NKD2: variants seen among roughly 807,000 people sequenced by gnomAD.
NKD2 encodes protein naked cuticle homolog 2.
A neutral mutation model predicts 34.8 loss-of-function variants in NKD2; 43 were observed. That is an observed-to-expected ratio of 1.24 (90% CI 0.97 to 1.60). The LOEUF (loss-of-function observed/expected upper bound fraction) is 1.60, where lower values mean the gene tolerates loss of function less well. Among genes scored for constraint, NKD2 ranks in the 40% most tolerant of loss-of-function variants. The pLI, the probability that NKD2 is intolerant of heterozygous loss-of-function variation, is 0.00. For synonymous variants in NKD2, 278 were observed against 265.1 expected, an observed-to-expected ratio of 1.05 and a Z score of -0.47; for missense variants, 675 against 627.1, an observed-to-expected ratio of 1.08 and a Z score of -0.82.
At chr5:1,020,985 G>C (rs1451904576) in intron 3 of NKD2, among the ~76,000 whole-genome samples, 2 of 152,106 alleles carry the variant, frequency 1.3e-5, no homozygotes, top group Admixed American at 1.3e-4. Flanking sequence ...GCACCTCCAC[G>C]TTTTCCCATT....
At chr5:1,017,650 C>T (rs1756011293) in intron 3 of NKD2, among the ~76,000 whole-genome samples, 3 of 146,308 alleles carry the variant, frequency 2.1e-5, no homozygotes, top group African/African-American at 8.2e-5. Context: ...ACCAGAAGTC[C>T]CTCCCAGAGC....
At chr5:1,021,752 AAC>A (rs1206040652) in intron 3 of NKD2, among the ~76,000 whole-genome samples, 1 of 151,990 alleles carries the variant, frequency 6.6e-6, no homozygotes, top group Non-Finnish European at 1.5e-5. Flanking sequence ...CTTGTAAGAA[AAC>A]ACTCTCTTCC....
rs1755648839 is a variant in NKD2, at chr5:1,009,220, C to T, written c.61+6C>T. The T allele has an allele frequency of 4.4e-6, 2 of 455,344 alleles. No individual in the cohort carries two copies. The highest frequency in any genetic ancestry group is 7.7e-6 in the Non-Finnish European group (2 of 259,842). 28.2% of individuals were successfully genotyped at this position (455,344 alleles called of 1,614,324 possible). ...GCGGAGAGAGAGCCCGGAAGGTGAG[C>T]GGGCGAGCCGACGGGCGGGGCGGGG... On this transcript the variant is annotated splice_donor_region_variant and intron_variant, in intron 2 of 9. Coordinates refer to ENST00000296849, the MANE Select transcript of NKD2 (RefSeq NM_033120.4). The surrounding 1 kb of genome is among the most constrained non-coding windows in gnomAD (Gnocchi z 6.9).
chr5:1,009,206 G>T lies in NKD2; in HGVS notation c.53G>T (p.Ser18Ile), dbSNP rs1281311436. The change falls in exon 2 of 10, where the codon AGC (serine) becomes ATC (isoleucine). Residue 18 changes from serine (S) to isoleucine (I), a missense_variant. Coordinates refer to ENST00000296849, the MANE Select transcript of NKD2 (RefSeq NM_033120.4). This position sits in a 1 kb window ranked among gnomAD's most constrained non-coding sequence, Gnocchi z 6.9. ...GCCGCCGCCCGCAAGCGGAGAGAGA[G>T]CCCGGAAGGTGAGCGGGCGAGCCGA... is the stretch of plus-strand genomic sequence containing the variant. The part of the protein sequence containing the change: ...HAAAARKRRE[S>I]PEGDSFVASA... 1 of 544,792 alleles carries T rather than the reference G, an allele frequency of 1.8e-6. No homozygotes were observed. The highest frequency in any genetic ancestry group is 3.5e-5 in the East Asian group (1 of 28,344). 33.7% of individuals were successfully genotyped at this position (544,792 alleles called of 1,614,324 possible). A position where few individuals can be genotyped will look rare whatever the true frequency, so the allele number is the denominator to read the frequency against.
At chr5:1,016,007 G>C (rs1357384947) in intron 3 of NKD2, among the ~76,000 whole-genome samples, 1 of 152,234 alleles carries the variant, frequency 6.6e-6, no homozygotes, top group South Asian at 2.1e-4. Flanking sequence ...GGTGCGGAAG[G>C]AGCCCTTCCT....
Position 1,038,135 on chromosome 5 carries a change from C to A in NKD2, c.1118C>A (p.Pro373Gln). The change falls in exon 10 of 10, where the codon CCG becomes CAG. Residue 373 changes from proline (P) to glutamine (Q), a missense_variant. Physicochemically the swap from Pro to Gln is moderately conservative, Grantham distance 76 (BLOSUM62 -1). Coordinates refer to ENST00000296849, the MANE Select transcript of NKD2 (RefSeq NM_033120.4). This position sits in a 1 kb window ranked among gnomAD's most constrained non-coding sequence, Gnocchi z 4.5. ...PQAPQDGHHL[P>Q]QPPPPPYGHK... ...GCCCCTCAGGACGGCCACCACCTCC[C>A]GCAGCCCCCACCGCCACCCTACGGC... 6.3e-7 allele frequency: 1 copy of A among 1,589,070 alleles called. No homozygotes were observed. The highest frequency in any genetic ancestry group is 8.5e-7 in the Non-Finnish European group (1 of 1,169,962).
Position 1,034,740 on chromosome 5 carries a change from T to A in NKD2, c.427-16T>A. On this transcript the variant is annotated splice_polypyrimidine_tract_variant and intron_variant, in intron 6 of 9. Coordinates refer to ENST00000296849, the MANE Select transcript of NKD2 (RefSeq NM_033120.4). The stretch of plus-strand genomic sequence containing the variant: ...CTGGGGTCTGCTCTGTCAGTGAAAC[T>A]GATGCCGGGCCCCAGGACATGTCCA... 1 of 1,604,594 alleles carries A rather than the reference T, an allele frequency of 6.2e-7. No homozygotes were observed. Among genetic ancestry groups the A allele is most frequent in the Non-Finnish European group, 8.5e-7 (1 of 1,173,484 alleles).
intron 5 of NKD2, among the ~76,000 whole-genome samples, 166 bp downstream of exon 5, chr5:1,033,665 A>G (rs1157211211): frequency 6.6e-6 from 1 of 152,240 alleles, no homozygotes; most frequent in East Asian, 1.9e-4. Flanking sequence ...TTGAATGTGC[A>G]AGCCAAAGTC....
Position 1,038,401 on chromosome 5 carries a change from A to T in NKD2, c.*28A>T. 6.5e-7 allele frequency: 1 copy of T among 1,535,504 alleles called. No individual in the cohort carries two copies. Among genetic ancestry groups the T allele is most frequent in the Non-Finnish European group, 8.7e-7 (1 of 1,146,668 alleles). On this transcript the variant is annotated 3_prime_UTR_variant, in exon 10 of 10. Coordinates refer to ENST00000296849, the MANE Select transcript of NKD2 (RefSeq NM_033120.4). This position sits in a 1 kb window ranked among gnomAD's most constrained non-coding sequence, Gnocchi z 4.5. ...CCACTGCCAAGCACACCTCGCTCCCAGCACACCACAGCCCGCGACCTCAGG... is the reference window on the plus strand; with the variant it reads ...CCACTGCCAAGCACACCTCGCTCCCTGCACACCACAGCCCGCGACCTCAGG...
Position 1,038,852 on chromosome 5 carries a change from G to A in NKD2, c.*479G>A. 6.7e-6 allele frequency: 2 copies of A among 296,592 alleles called. No homozygotes were observed. Among genetic ancestry groups the A allele is most frequent in the South Asian group, 6.9e-5 (2 of 28,788 alleles). 18.4% of individuals were successfully genotyped at this position (296,592 alleles called of 1,614,324 possible). A position where few individuals can be genotyped will look rare whatever the true frequency, so the allele number is the denominator to read the frequency against. Reference sequence around the variant, plus strand: ...TGAAGTGAGAGGGGACAGGGCCGGTGGGGGGAAGCAGCTTGTGCTTAGCAG... The same window carrying A: ...TGAAGTGAGAGGGGACAGGGCCGGTAGGGGGAAGCAGCTTGTGCTTAGCAG... On this transcript the variant is annotated 3_prime_UTR_variant, in exon 10 of 10. Transcript: ENST00000296849. The surrounding 1 kb of genome is among the most constrained non-coding windows in gnomAD (Gnocchi z 4.5).
chr5:1,008,993 C>T lies in NKD2; in HGVS notation c.-65C>T, dbSNP rs1302695883. 9.5e-6 allele frequency: 4 copies of T among 418,976 alleles called. No homozygotes were observed. The highest frequency in any genetic ancestry group is 1.7e-5 in the Non-Finnish European group (4 of 239,210). The allele number at this position is 418,976 out of a possible 1,614,324, so 26.0% of individuals were successfully genotyped here. A position where few individuals can be genotyped will look rare whatever the true frequency, so the allele number is the denominator to read the frequency against. On this transcript the variant is annotated 5_prime_UTR_variant, in exon 1 of 10. Coordinates refer to ENST00000296849, the MANE Select transcript of NKD2 (RefSeq NM_033120.4). ...GGCCCATGCGGCCCCCGCGGGCTCC[C>T]GGCCCCGGCTTCAGAACTCAGCCCT...
At position 1,036,373 on chromosome 5, in the gene NKD2, G is replaced by T. The variant is rs142287639; in HGVS notation, c.776G>T (p.Arg259Ile). 6.2e-7 allele frequency: 1 copy of T among 1,612,586 alleles called. No homozygotes were observed. Among genetic ancestry groups the T allele is most frequent in the Non-Finnish European group, 8.5e-7 (1 of 1,179,616 alleles). The change falls in exon 9 of 10, where the codon AGA becomes ATA. Residue 259 changes from arginine (R) to isoleucine (I), a missense_variant. By Grantham distance (97) the Arg-to-Ile change is moderately conservative. Transcript: ENST00000296849. ...DLAGIENYTS[R>I]FGPGSPPVQA... ...GCCGGGATTGAGAACTACACGTCCA[G>T]ATTCGGCCCTGGTAGGTCCTGGAGG...
chr5:1,029,687 A>T (rs1756563273), intron 3 of NKD2, among the ~76,000 whole-genome samples: 1 of 152,176 alleles, frequency 6.6e-6, no homozygotes, highest in South Asian at 2.1e-4. Context: ...GGAAACACTT[A>T]AAAATCCTTA....
chr5:1,028,620 G>A (rs1407963170), intron 3 of NKD2, among the ~76,000 whole-genome samples: 1 of 152,164 alleles, frequency 6.6e-6, no homozygotes, highest in Non-Finnish European at 1.5e-5. Flanking sequence ...CAGCCGTGGG[G>A]TCCCTGCTGA....
chr5:1,016,247 C>CA (rs1289089894), intron 3 of NKD2, among the ~76,000 whole-genome samples: 1 of 152,266 alleles, frequency 6.6e-6, no homozygotes, highest in African/African-American at 2.4e-5. Flanking sequence ...GATCCGCTCT[C>CA]ACGGCGAGCT....
intron 9 of NKD2, 102 bp downstream of exon 9, chr5:1,036,486 T>TTCCCCCCCCCCCCCCC: frequency 1.4e-6 from 1 of 695,986 alleles, no homozygotes; most frequent in Non-Finnish European, 2.2e-6. Flanking sequence ...CTCCCTGCCC[T>TTCCCCCCCCCCCCCCC]GCCCCGCCCC....
chr5:1,036,883 G>A, intron 9 of NKD2: 1 of 442,666 alleles, frequency 2.3e-6, no homozygotes, highest in Non-Finnish European at 4.5e-6. Context: ...CAGGCAGTGT[G>A]GATGGCGGGC....
intron 6 of NKD2, among the ~76,000 whole-genome samples, 173 bp from the exon 7 acceptor site, chr5:1,034,583 A>G (rs1475516918): frequency 6.6e-6 from 1 of 152,130 alleles, no homozygotes; most frequent in Non-Finnish European, 1.5e-5. Flanking sequence ...TCACAGGGCC[A>G]CCTGGGCAGA....
intron 7 of NKD2, 58 bp from the exon 8 acceptor site, chr5:1,035,331 T>G: frequency 7.6e-7 from 1 of 1,312,986 alleles, no homozygotes; most frequent in East Asian, 2.5e-5. Context: ...AGTGAATGAA[T>G]GAGTGAATGC....
Sources: gnomAD v4.1 joint callset for allele counts (sites outside exome capture counted in the v4.1 genomes callset) on GRCh38, gnomAD v4.1.1 for gene constraint, Gnocchi (gnomAD v3.1) non-coding constraint, MANE v1.5 for transcripts, NCBI Gene and HGNC (gene_info 2026-07-23, HGNC 2026-07-21) for gene names.